GALNT8: variants seen among roughly 807,000 people sequenced by gnomAD.
GALNT8 encodes the protein probable polypeptide N-acetylgalactosaminyltransferase 8.
Under a neutral mutation model 62.7 loss-of-function variants are expected in GALNT8, and 66 were observed. That is an observed-to-expected ratio of 1.05 (90% CI 0.86 to 1.29). The LOEUF (loss-of-function observed/expected upper bound fraction) is 1.29, where lower values mean the gene tolerates loss of function less well. Ranked by LOEUF, GALNT8 falls within the 50% of genes most tolerant of loss-of-function variation. The pLI, the probability that GALNT8 is intolerant of heterozygous loss-of-function variation, is 0.00. For missense variants in GALNT8, 771 were observed against 791.8 expected (o/e 0.97, Z 0.32); for synonymous variants, 288 against 294.3 (o/e 0.98, Z 0.22).
chr12:4,726,433 G>A lies in GALNT8; in HGVS notation c.212-99G>A, dbSNP rs1273984735. The A allele has an allele frequency of 1.3e-6, 1 of 797,636 alleles. No homozygotes were observed. The highest frequency in any genetic ancestry group is 2.5e-5 in the East Asian group (1 of 40,246). The allele number at this position is 797,636 out of a possible 1,614,324, so 49.4% of individuals were successfully genotyped here. A position where few individuals can be genotyped will look rare whatever the true frequency, so the allele number is the denominator to read the frequency against. Reference sequence around the variant, plus strand: ...AGCTTATAAGTTTTAAGATGTAGTGGGTAAACCGTTAGAGGAAATTAGGAT... The same window carrying A: ...AGCTTATAAGTTTTAAGATGTAGTGAGTAAACCGTTAGAGGAAATTAGGAT... On this transcript the variant is annotated intron_variant, in intron 1 of 10. Coordinates refer to ENST00000252318, the MANE Select transcript of GALNT8 (RefSeq NM_017417.2). This position sits in a 1 kb window ranked among gnomAD's most constrained non-coding sequence, Gnocchi z 4.1.
intron 1 of GALNT8, among the ~76,000 whole-genome samples, chr12:4,724,071 T>C (rs1417793313): frequency 7.0e-6 from 1 of 142,740 alleles, no homozygotes; most frequent in African/African-American, 2.6e-5. Flanking sequence ...ATGGCGTGAA[T>C]CTGGGAGGTG....
chr12:4,740,790 G>A lies in GALNT8; in HGVS notation c.676+1461G>A, dbSNP rs73258104. On this transcript the variant is annotated intron_variant, in intron 3 of 10. Coordinates refer to ENST00000252318, the MANE Select transcript of GALNT8 (RefSeq NM_017417.2). ...GAATCACTTTTTGACCCATTGTGTAGATGTGCAAAACTAAGGCATAGACTG... is the reference window on the plus strand; with the variant it reads ...GAATCACTTTTTGACCCATTGTGTAAATGTGCAAAACTAAGGCATAGACTG... 5.3e-3 allele frequency among the ~76,000 whole-genome samples: 808 copies of A among 152,278 alleles called. 4 individuals are homozygous for A. Among genetic ancestry groups the A allele is most frequent in the African/African-American group, 0.019 (769 of 41,556 alleles).
chr12:4,738,619 C>T (rs928764495), intron 2 of GALNT8, among the ~76,000 whole-genome samples: 10 of 152,054 alleles, frequency 6.6e-5, no homozygotes, highest in African/African-American at 1.7e-4. Flanking sequence ...CTGATAGATA[C>T]GTTTATTACC....
intron 10 of GALNT8, among the ~76,000 whole-genome samples, chr12:4,772,112 G>A (rs1397736507): frequency 6.6e-6 from 1 of 152,166 alleles, no homozygotes; most frequent in Non-Finnish European, 1.5e-5. Flanking sequence ...ACGTGGAGAG[G>A]AGGGCCAAGT....
At chr12:4,748,171 G>T (rs1946308320) in intron 6 of GALNT8, among the ~76,000 whole-genome samples, 2 of 152,158 alleles carry the variant, frequency 1.3e-5, no homozygotes, top group South Asian at 4.1e-4. Context: ...TTTGTGGGCT[G>T]TCTCTTCACC....
rs772603603 is a variant in GALNT8 at position 4,726,678 on chromosome 12, C to G, written c.358C>G (p.Pro120Ala). Residue 120 changes from proline to alanine, a missense_variant, in exon 2 of 11, where the codon CCA (proline) becomes GCA (alanine). Transcript: ENST00000252318. The surrounding 1 kb of genome is among the most constrained non-coding windows in gnomAD (Gnocchi z 4.1). ...KKHKTQMKLF[P>A]HSQLFRQWGE... ...GCACAAAACCCAAATGAAACTCTTC[C>G]CACACTCACAGCTTTTCAGGCAATG... is the stretch of plus-strand genomic sequence containing the variant. 1.1e-5 allele frequency: 18 copies of G among 1,613,884 alleles called. No homozygotes were observed. Among genetic ancestry groups the G allele is most frequent in the South Asian group, 5.5e-5 (5 of 91,056 alleles).
chr12:4,764,120 G>A (rs1946386864), intron 9 of GALNT8, 73 bp downstream of exon 9: 1 of 854,228 alleles, frequency 1.2e-6, no homozygotes, highest in African/African-American at 1.7e-5. Context: ...CCATTGCTGG[G>A]TCTGGACTCC....
rs1447003784 is a variant in GALNT8, at chr12:4,726,388, A to G, written c.212-144A>G. 1 of 630,648 alleles carries G rather than the reference A, an allele frequency of 1.6e-6. No individual in the cohort carries two copies. Among genetic ancestry groups the G allele is most frequent in the Non-Finnish European group, 2.7e-6 (1 of 364,830 alleles). The allele number at this position is 630,648 out of a possible 1,614,324, so 39.1% of individuals were successfully genotyped here. A position where few individuals can be genotyped will look rare whatever the true frequency, so the allele number is the denominator to read the frequency against. On this transcript the variant is annotated intron_variant, in intron 1 of 10. Transcript: ENST00000252318. The surrounding 1 kb of genome is among the most constrained non-coding windows in gnomAD (Gnocchi z 4.1). Reference sequence around the variant, plus strand: ...CATGGCTGGATAAGTTCCCTGACATACTACATCCTCTGTGACAAGAGCTTA... The same window carrying G: ...CATGGCTGGATAAGTTCCCTGACATGCTACATCCTCTGTGACAAGAGCTTA...
At chr12:4,767,673 AAGCAC>A (rs1335692365) in intron 10 of GALNT8, among the ~76,000 whole-genome samples, 1 of 152,216 alleles carries the variant, frequency 6.6e-6, no homozygotes, top group African/African-American at 2.4e-5. Context: ...GGCAGTCACC[AAGCAC>A]AGCATGTCTG....
chr12:4,768,340 A>G (rs975400791), intron 10 of GALNT8: 1 of 301,664 alleles, frequency 3.3e-6, no homozygotes, highest in Non-Finnish European at 6.5e-6. Flanking sequence ...CCTCGTAAGA[A>G]TTAAAGATAC....
intron 1 of GALNT8, among the ~76,000 whole-genome samples, chr12:4,724,148 C>CA (rs11456593): frequency 0.19 from 8,918 of 48,066 alleles, 1,848 homozygotes; most frequent in East Asian, 0.52. Flanking sequence ...GACTCCGTCT[C>CA]AAAAAAAAAA....
chr12:4,737,017 CTT>C (rs1282472156), intron 2 of GALNT8, among the ~76,000 whole-genome samples: 1 of 152,086 alleles, frequency 6.6e-6, no homozygotes, highest in East Asian at 1.9e-4. Context: ...TCAATAAAGA[CTT>C]ATACATTATA....
chr12:4,748,283 G>C (rs1946309007), intron 6 of GALNT8, among the ~76,000 whole-genome samples: 1 of 152,120 alleles, frequency 6.6e-6, no homozygotes, highest in African/African-American at 2.4e-5. Flanking sequence ...TATTGCTGAA[G>C]AAATCTTTGC....
chr12:4,729,685 A>C (rs1054846366), intron 2 of GALNT8, among the ~76,000 whole-genome samples: 5 of 152,272 alleles, frequency 3.3e-5, no homozygotes, highest in Admixed American at 3.3e-4. Flanking sequence ...TAATGCTCCA[A>C]TGAAAATGGG....
intron 10 of GALNT8, among the ~76,000 whole-genome samples, chr12:4,771,767 G>A (rs1219448961): frequency 6.6e-6 from 1 of 152,168 alleles, no homozygotes; most frequent in Non-Finnish European, 1.5e-5. Context: ...AGGACCAGGA[G>A]AGACGGTAGT....
Position 4,764,067 on chromosome 12 carries a change from T to A in GALNT8, c.1593+20T>A. The A allele has an allele frequency of 3.0e-6, 4 of 1,317,718 alleles. No individual in the cohort carries two copies. Among genetic ancestry groups the A allele is most frequent in the South Asian group, 1.2e-5 (1 of 85,584 alleles). 81.6% of individuals were successfully genotyped at this position (1,317,718 alleles called of 1,614,324 possible). On this transcript the variant is annotated intron_variant, in intron 9 of 10. Transcript: ENST00000252318. Reference sequence around the variant, plus strand: ...TCACAGGTATCTTCCACAATCTTCCTGGCCCTGCCTGGGCAAGTCTGTCGT... The same window carrying A: ...TCACAGGTATCTTCCACAATCTTCCAGGCCCTGCCTGGGCAAGTCTGTCGT...
At chr12:4,764,958 A>G (rs562620237) in intron 9 of GALNT8, among the ~76,000 whole-genome samples, 1 of 151,346 alleles carries the variant, frequency 6.6e-6, no homozygotes, top group Non-Finnish European at 1.5e-5. Flanking sequence ...TATCATTTGC[A>G]CTTAGTTGAA....
chr12:4,757,509 T>G (rs537549170), intron 6 of GALNT8, among the ~76,000 whole-genome samples: 1 of 151,508 alleles, frequency 6.6e-6, no homozygotes, highest in African/African-American at 2.5e-5. Flanking sequence ...GGGCCAAGAC[T>G]TTTATTTGGT....
chr12:4,761,000 C>A lies in GALNT8; in HGVS notation c.1216C>A (p.Arg406=). The A allele has an allele frequency of 5.6e-6, 9 of 1,614,026 alleles. No homozygotes were observed. Among genetic ancestry groups the A allele is most frequent in the Non-Finnish European group, 7.6e-6 (9 of 1,180,002 alleles). Residue 406 remains arginine (R), a synonymous_variant, in exon 7 of 11, where the codon CGG becomes AGG. Coordinates refer to ENST00000252318, the MANE Select transcript of GALNT8 (RefSeq NM_017417.2). The part of the protein sequence containing the change: ...GGKVEILPCS[R]IAHLERHHKP... ...GAAGGTCGAGATTTTGCCCTGTTCC[C>A]GGATTGCCCACCTAGAGAGACACCA...
Sources: gnomAD v4.1 joint callset for allele counts (sites outside exome capture counted in the v4.1 genomes callset) on GRCh38, gnomAD v4.1.1 for gene constraint, Gnocchi (gnomAD v3.1) non-coding constraint, MANE v1.5 for transcripts, NCBI Gene and HGNC (gene_info 2026-07-23, HGNC 2026-07-21) for gene names.